SLC7A5: variants seen among roughly 807,000 people sequenced by gnomAD.
SLC7A5 encodes the protein large neutral amino acids transporter small subunit 1.
SLC7A5 carries 23 observed loss-of-function variants against 50.2 expected under a neutral mutation model. That is an observed-to-expected ratio of 0.46 (90% CI 0.33 to 0.65). The LOEUF (loss-of-function observed/expected upper bound fraction) is 0.65, where lower values mean the gene tolerates loss of function less well. Among genes scored for constraint, SLC7A5 ranks in the 30% least tolerant of loss-of-function variants. The probability of loss-of-function intolerance (pLI) is 0.02; values close to 1 mark genes in which losing one functional copy is unlikely to be tolerated. For missense variants in SLC7A5, 578 were observed against 684.4 expected, an observed-to-expected ratio of 0.84 and a Z score of 1.73; for synonymous variants, 393 against 330.6, an observed-to-expected ratio of 1.19 and a Z score of -2.05.
Position 87,869,238 on chromosome 16 carries a change from G to C in SLC7A5, c.185C>G (p.Thr62Ser). Residue 62 changes from threonine to serine, a missense_variant, in exon 1 of 10, where the codon ACC becomes AGC. Thr to Ser is a moderately conservative substitution (Grantham distance 58). Transcript: ENST00000261622. ...LLNGVAIIVG[T>S]IIGSGIFVTP... ...CACGAAGATGCCCGAGCCGATAATGGTCCCCACGATGATGGCCACGCCGTT... is the reference window on the plus strand; with the variant it reads ...CACGAAGATGCCCGAGCCGATAATGCTCCCCACGATGATGGCCACGCCGTT... 6.2e-7 allele frequency: 1 copy of C among 1,612,808 alleles called. No homozygotes were observed.
At chr16:87,855,833 G>A (rs979194656) in intron 1 of SLC7A5, among the ~76,000 whole-genome samples, 11 of 152,160 alleles carry the variant, frequency 7.2e-5, no homozygotes, top group East Asian at 3.8e-4. Flanking sequence ...CACCCCACAC[G>A]GACTAATGCC....
chr16:87,864,056 C>T (rs950583650), intron 1 of SLC7A5, among the ~76,000 whole-genome samples: 1 of 140,100 alleles, frequency 7.1e-6, no homozygotes, highest in African/African-American at 2.6e-5. Context: ...CTTTGGGAGG[C>T]CGAGGTGGGC....
rs1022122424 is a variant in SLC7A5, at chr16:87,832,094, C to A, written c.*876G>T. On this transcript the variant is annotated 3_prime_UTR_variant, in exon 10 of 10. Transcript: ENST00000261622. The surrounding 1 kb of genome is among the most constrained non-coding windows in gnomAD (Gnocchi z 4.6). ...GCTGTGTGGAGCCCAGGGTGGGCGC[C>A]CACATGGGTGCCTGGCCGCGGTGTG... 5.3e-5 allele frequency: 8 copies of A among 151,828 alleles called. No individual in the cohort carries two copies. Among genetic ancestry groups the A allele is most frequent in the African/African-American group, 1.9e-4 (8 of 41,284 alleles). 9.4% of individuals were successfully genotyped at this position (151,828 alleles called of 1,614,324 possible). A position where few individuals can be genotyped will look rare whatever the true frequency, so the allele number is the denominator to read the frequency against.
At chr16:87,843,224 CAGAA>C (rs2055104430) in intron 2 of SLC7A5, among the ~76,000 whole-genome samples, 1 of 152,052 alleles carries the variant, frequency 6.6e-6, no homozygotes, top group East Asian at 1.9e-4. Flanking sequence ...AGCCTCATGA[CAGAA>C]AGGCGGCTGA....
At position 87,832,256 on chromosome 16, in the gene SLC7A5, G is replaced by A. The variant is rs1348251228; in HGVS notation, c.*714C>T. On this transcript the variant is annotated 3_prime_UTR_variant, in exon 10 of 10. Coordinates refer to ENST00000261622, the MANE Select transcript of SLC7A5 (RefSeq NM_003486.7). This position sits in a 1 kb window ranked among gnomAD's most constrained non-coding sequence, Gnocchi z 4.6. ...CCAGAGGCCAGGCCTGGTGAGCTAG[G>A]GGAGATGCCGGCACCCCCCAACCCT... is the stretch of plus-strand genomic sequence containing the variant. 6.6e-6 allele frequency: 1 copy of A among 152,306 alleles called. No individual in the cohort carries two copies. Among genetic ancestry groups the A allele is most frequent in the Admixed American group, 6.5e-5 (1 of 15,284 alleles). The allele number at this position is 152,306 out of a possible 1,614,324, so 9.4% of individuals were successfully genotyped here. A position where few individuals can be genotyped will look rare whatever the true frequency, so the allele number is the denominator to read the frequency against.
intron 1 of SLC7A5, among the ~76,000 whole-genome samples, chr16:87,859,940 A>C (rs2055369140): frequency 7.0e-6 from 1 of 142,374 alleles, no homozygotes; most frequent in Non-Finnish European, 1.6e-5. Context: ...AAACAAAACA[A>C]AACACAATAT....
chr16:87,830,348 A>G lies in SLC7A5; in HGVS notation c.*2622T>C, dbSNP rs554364978. On this transcript the variant is annotated 3_prime_UTR_variant, in exon 10 of 10. Transcript: ENST00000261622. The stretch of plus-strand genomic sequence containing the variant: ...AGACGTTAGCACAAAACAAAAAAGC[A>G]CAACGACTGAAAATGCACTTGCTTG... 15 of 152,156 alleles carry G rather than the reference A, an allele frequency of 9.9e-5. No homozygotes were observed. Among genetic ancestry groups the G allele is most frequent in the Admixed American group, 5.9e-4 (9 of 15,308 alleles). The allele number at this position is 152,156 out of a possible 1,614,324, so 9.4% of individuals were successfully genotyped here.
In SLC7A5 at chr16:87,869,126, G is replaced by A. The variant is rs1250700122; in HGVS notation, c.297C>T (p.Gly99=). 1.9e-6 allele frequency: 3 copies of A among 1,611,844 alleles called. No individual in the cohort carries two copies. Among genetic ancestry groups the A allele is most frequent in the Non-Finnish European group, 2.5e-6 (3 of 1,179,766 alleles). Residue 99 remains glycine, a synonymous_variant, in exon 1 of 10, where the codon GGC becomes GGT. Coordinates refer to ENST00000261622, the MANE Select transcript of SLC7A5 (RefSeq NM_003486.7). ...WAACGVFSIV[G]ALCYAELGTT... ...TGCCGAGCTCCGCGTAGCAGAGCGC[G>A]CCCACGATGGAGAAGACGCCGCACG...
Position 87,834,541 on chromosome 16 carries a change from G to A in SLC7A5, c.1341C>T (p.Ile447=), listed in dbSNP as rs527391903. The change falls in exon 9 of 10, where the codon ATC becomes ATT. Residue 447 remains isoleucine (I), a synonymous_variant. Coordinates refer to ENST00000261622, the MANE Select transcript of SLC7A5 (RefSeq NM_003486.7). ...VFFILACLFL[I]AVSFWKTPVE... ...CGGGTGTCTTCCAGAAGGAGACGGC[G>A]ATCAGGAAGAGGCAGGCCAGGATGA... 22 of 1,599,592 alleles carry A rather than the reference G, an allele frequency of 1.4e-5. No homozygotes were observed. In the Middle Eastern group the frequency reaches 5.0e-4, roughly 36 times the overall value.
chr16:87,855,389 G>T (rs2055303207), intron 1 of SLC7A5, among the ~76,000 whole-genome samples: 1 of 152,014 alleles, frequency 6.6e-6, no homozygotes, highest in Non-Finnish European at 1.5e-5. Flanking sequence ...CATACTGCTG[G>T]CTGGGCCCAC....
At chr16:87,857,476 G>A (rs537131500) in intron 1 of SLC7A5, among the ~76,000 whole-genome samples, 18 of 152,318 alleles carry the variant, frequency 1.2e-4, no homozygotes, top group African/African-American at 3.4e-4. Context: ...AGAGACAAGC[G>A]TTCACCATGT....
intron 7 of SLC7A5, 56 bp from the exon 8 acceptor site, chr16:87,836,703 G>C: frequency 6.3e-7 from 1 of 1,587,294 alleles, no homozygotes; most frequent in South Asian, 1.1e-5. Flanking sequence ...GGCTGTGGAC[G>C]GCCGTGGTGG....
intron 1 of SLC7A5, among the ~76,000 whole-genome samples, chr16:87,856,283 G>T (rs1298001873): frequency 6.6e-6 from 1 of 152,236 alleles, no homozygotes; most frequent in Non-Finnish European, 1.5e-5. Flanking sequence ...GGCTGGGGCA[G>T]AGATGGTCCA....
intron 2 of SLC7A5, 97 bp downstream of exon 2, chr16:87,851,627 G>A (rs1184287424): frequency 6.8e-7 from 1 of 1,464,004 alleles, no homozygotes; most frequent in African/African-American, 1.4e-5. Context: ...CAGAGCTGCG[G>A]ACTGGGAGGC....
chr16:87,840,956 A>C, intron 3 of SLC7A5, 94 bp downstream of exon 3: 1 of 852,960 alleles, frequency 1.2e-6, no homozygotes, highest in Non-Finnish European at 2.0e-6. Flanking sequence ...CACTCCCTTT[A>C]ACTGCCCCTT....
intron 2 of SLC7A5, among the ~76,000 whole-genome samples, chr16:87,846,642 G>A (rs944812885): frequency 1.3e-5 from 2 of 152,204 alleles, no homozygotes; most frequent in Non-Finnish European, 2.9e-5. Context: ...TAGGAGCCAG[G>A]AGGCCGAGCA....
intron 2 of SLC7A5, among the ~76,000 whole-genome samples, chr16:87,848,132 G>A (rs1228336721): frequency 8.1e-6 from 1 of 123,518 alleles, no homozygotes; most frequent in Non-Finnish European, 1.7e-5. Flanking sequence ...CAGAGTGAAA[G>A]GGCAAATTTG....
rs1046617578 is a variant in SLC7A5, at chr16:87,853,372, C to T, written c.539-1523G>A. The stretch of plus-strand genomic sequence containing the variant: ...CAGAGCGGAGACGGCTACTACACAC[C>T]AGGAAAGTCTGGTTGAAAAATGTCT... On this transcript the variant is annotated intron_variant, in intron 1 of 9. Transcript: ENST00000261622. The surrounding 1 kb of genome is among the most constrained non-coding windows in gnomAD (Gnocchi z 4.4). Among the ~76,000 whole-genome samples, 5 of 152,208 alleles carry T rather than the reference C, an allele frequency of 3.3e-5. No homozygotes were observed. The highest frequency in any genetic ancestry group is 1.2e-4 in the African/African-American group (5 of 41,452).
chr16:87,863,579 G>C (rs760691697), intron 1 of SLC7A5: 1 of 152,100 alleles, frequency 6.6e-6, no homozygotes, highest in Non-Finnish European at 1.5e-5. Flanking sequence ...CATGGAGCTG[G>C]TTCCTCTCAC....
Sources: allele counts gnomAD v4.1 joint callset (sites outside exome capture counted in the v4.1 genomes callset), GRCh38; gene constraint gnomAD v4.1.1; non-coding constraint Gnocchi (gnomAD v3.1); transcripts MANE v1.5; gene names NCBI Gene and HGNC (gene_info 2026-07-23, HGNC 2026-07-21).